The following ROBO2 variants were observed in gnomAD, a reference collection of about 807,000 sequenced individuals.
ROBO2 encodes the protein roundabout homolog 2.
In ROBO2, 53 loss-of-function variants were observed where a neutral mutation model predicts 160.8. That is an observed-to-expected ratio of 0.33 (90% CI 0.26 to 0.41). ROBO2 has a LOEUF of 0.41. ROBO2 is among the 10% of genes least tolerant of loss of function. The pLI is 1.00. For missense variants in ROBO2, 1,577 were observed against 1,722.4 expected, an observed-to-expected ratio of 0.92 and a Z score of 1.49; for synonymous variants, 664 against 611.7, an observed-to-expected ratio of 1.09 and a Z score of -1.26.
Position 76,804,869 on chromosome 3 carries a change from A to T in ROBO2, c.110-293145A>T, listed in dbSNP as rs144085652. ...AGCTTATGCTCTTCGTAATAAACGC[A>T]CTATAAAGCATTACCTGAATTCTTT... is the stretch of plus-strand genomic sequence containing the variant. On this transcript the variant is annotated intron_variant, in intron 2 of 26. Coordinates refer to the ROBO2 transcript ENST00000487694. Among the ~76,000 whole-genome samples the T allele has an allele frequency of 1.3e-3, 201 of 152,308 alleles. 1 individual carries two copies. The highest frequency in any genetic ancestry group is 4.7e-3 in the African/African-American group (194 of 41,574).
At chr3:77,226,841 C>T (rs893039844) in intron 2 of ROBO2, among the ~76,000 whole-genome samples, 7 of 152,006 alleles carry the variant, frequency 4.6e-5, no homozygotes, top group South Asian at 2.1e-4. Flanking sequence ...AAAACCAGAA[C>T]GGTTGTACAG....
intron 7 of ROBO2, among the ~76,000 whole-genome samples, chr3:77,548,941 A>G (rs2092807791): frequency 6.6e-6 from 1 of 152,038 alleles, no homozygotes; most frequent in Admixed American, 6.6e-5. Context: ...TACTATTTCC[A>G]GTATCCAGTT....
At chr3:76,207,547 T>C (rs938855442) in intron 2 of ROBO2, among the ~76,000 whole-genome samples, 3 of 152,212 alleles carry the variant, frequency 2.0e-5, no homozygotes, top group African/African-American at 7.2e-5. Context: ...TTCTGAATAT[T>C]ATTCCTTTTT....
intron 2 of ROBO2, among the ~76,000 whole-genome samples, chr3:77,369,679 T>A (rs1262853610): frequency 6.6e-6 from 1 of 152,172 alleles, no homozygotes; most frequent in Non-Finnish European, 1.5e-5. Context: ...TTGATGTTGA[T>A]TCCCTGCAAG....
chr3:76,066,422 G>T (rs1425395011), intron 2 of ROBO2, among the ~76,000 whole-genome samples: 1 of 151,872 alleles, frequency 6.6e-6, no homozygotes, highest in African/African-American at 2.4e-5. Context: ...CTCTTTAGTT[G>T]TACAAAATAT....
intron 2 of ROBO2, among the ~76,000 whole-genome samples, chr3:77,003,483 T>C (rs1384886830): frequency 6.6e-6 from 1 of 152,222 alleles, no homozygotes; most frequent in Non-Finnish European, 1.5e-5. Context: ...TTTTTTCCCA[T>C]GCCTTTCTTC....
chr3:77,003,347 G>A (rs1322200462), intron 2 of ROBO2, among the ~76,000 whole-genome samples: 1 of 152,138 alleles, frequency 6.6e-6, no homozygotes, highest in African/African-American at 2.4e-5. Context: ...GAATACTTTA[G>A]TGATATTACC....
At chr3:76,871,519 A>T (rs1438171570) in intron 2 of ROBO2, among the ~76,000 whole-genome samples, 1 of 146,852 alleles carries the variant, frequency 6.8e-6, no homozygotes, top group East Asian at 2.0e-4. Flanking sequence ...CCGCCACTGC[A>T]CTCCAGCCTG....
Position 76,994,268 on chromosome 3 carries a change from A to G in ROBO2, c.110-103746A>G, listed in dbSNP as rs541675374. ...AATTTAGACTTGTTCCATTAGTAAC[A>G]TACTTTAGCTACATTAATGATCACA... On this transcript the variant is annotated intron_variant, in intron 2 of 26. Transcript: ENST00000487694. Among the ~76,000 whole-genome samples the G allele has an allele frequency of 1.1e-4, 17 of 152,302 alleles. No homozygotes were observed. The South Asian group carries it at 1.9e-3, about 17-fold the overall frequency.
intron 1 of ROBO2, among the ~76,000 whole-genome samples, chr3:75,927,517 T>G (rs1947335518): frequency 2.0e-5 from 3 of 152,238 alleles, no homozygotes; most frequent in Admixed American, 2.0e-4. Flanking sequence ...TTTCTTAACT[T>G]TAAGACTATT....
chr3:77,601,154 A>G (rs139978340), intron 19 of ROBO2, among the ~76,000 whole-genome samples: 7 of 152,280 alleles, frequency 4.6e-5, no homozygotes, highest in Admixed American at 4.6e-4. Flanking sequence ...TATTTCAGGT[A>G]CTATTGAGTA....
intron 2 of ROBO2, among the ~76,000 whole-genome samples, chr3:77,471,381 C>T (rs771694010): frequency 5.9e-5 from 9 of 152,160 alleles, no homozygotes; most frequent in African/African-American, 1.2e-4. Context: ...TTTTTAAAGG[C>T]ACTCTGTTAG....
intron 2 of ROBO2, among the ~76,000 whole-genome samples, chr3:76,398,711 A>T (rs982855320): frequency 6.6e-6 from 1 of 151,796 alleles, no homozygotes; most frequent in African/African-American, 2.4e-5. Context: ...AGTTTAGTAT[A>T]TTCTAAACTA....
intron 2 of ROBO2, among the ~76,000 whole-genome samples, chr3:76,612,099 C>A (rs988211051): frequency 6.6e-6 from 1 of 152,086 alleles, no homozygotes; most frequent in Admixed American, 6.5e-5. Context: ...TAGTTTTATT[C>A]TATTGTGGTC....
intron 2 of ROBO2, among the ~76,000 whole-genome samples, chr3:76,974,105 A>T (rs2059700769): frequency 6.6e-6 from 1 of 152,162 alleles, no homozygotes; most frequent in African/African-American, 2.4e-5. Context: ...GTCTTTTCTC[A>T]TTCATATAGC....
rs1037495176 is a variant in ROBO2, at chr3:77,141,784, A to G, written c.388+43444A>G. On this transcript the variant is annotated intron_variant, in intron 2 of 25. Coordinates refer to ENST00000461745, the Ensembl canonical transcript of ROBO2. ...CAGGCAAGAGATGTAAGCCGTGATA[A>G]ATTAGAGGCAAACCAAACAAGCTTA... Among the ~76,000 whole-genome samples, 5 of 152,198 alleles carry G rather than the reference A, an allele frequency of 3.3e-5. No homozygotes were observed. The East Asian group carries it at 9.6e-4, about 29-fold the overall frequency.
At chr3:76,703,741 G>A (rs770599358) in intron 2 of ROBO2, among the ~76,000 whole-genome samples, 4 of 151,942 alleles carry the variant, frequency 2.6e-5, no homozygotes, top group Non-Finnish European at 5.9e-5. Context: ...TATTTGCCAC[G>A]TTTTCTTTGT....
At chr3:76,205,000 T>A (rs1023207504) in intron 2 of ROBO2, among the ~76,000 whole-genome samples, 1 of 152,194 alleles carries the variant, frequency 6.6e-6, no homozygotes, top group South Asian at 2.1e-4. Context: ...TAAAAATCTT[T>A]ATTTGGAAAT....
At chr3:76,680,737 A>C (rs2092539478) in intron 2 of ROBO2, among the ~76,000 whole-genome samples, 1 of 152,034 alleles carries the variant, frequency 6.6e-6, no homozygotes. Flanking sequence ...TGATGACCTT[A>C]TCACCATTCA....
Sources: allele counts gnomAD v4.1 joint callset (sites outside exome capture counted in the v4.1 genomes callset), GRCh38; gene constraint gnomAD v4.1.1; transcripts MANE v1.5; gene names NCBI Gene and HGNC (gene_info 2026-07-23, HGNC 2026-07-21).